The following SMARCA4 variants were observed in gnomAD, a reference collection of about 807,000 sequenced individuals.
SMARCA4 encodes the protein SWI/SNF-related matrix-associated actin-dependent regulator of chromatin subfamily A member 4.
A neutral mutation model predicts 193.9 loss-of-function variants in SMARCA4; 31 were observed. The ratio of observed to expected loss-of-function variants is 0.16; its 90% CI spans 0.12 to 0.22. The LOEUF (loss-of-function observed/expected upper bound fraction) is 0.22, where lower values mean the gene tolerates loss of function less well. SMARCA4 is among the 10% of genes least tolerant of loss of function. The pLI is 1.00. For synonymous variants in SMARCA4, 942 were observed against 933.1 expected, an observed-to-expected ratio of 1.01 and a Z score of -0.17; for missense variants, 1,148 against 2,296.0, an observed-to-expected ratio of 0.50 and a Z score of 10.22.
Position 11,058,266 on chromosome 19 carries a change from G to T in SMARCA4, c.4436G>T (p.Arg1479Leu). The T allele has an allele frequency of 6.2e-7, 1 of 1,612,272 alleles. No homozygotes were observed. The stretch of plus-strand genomic sequence containing the variant: ...GTTCTGCCTTGCAGCAGCAGTGGAC[G>T]TCAGCTCAGCGAGGTCTTCATCCAG... ...VIKYKDSSSG[R>L]QLSEVFIQLP... The change falls in exon 31 of 35, where the codon CGT (arginine) becomes CTT (leucine). Residue 1479 changes from arginine to leucine, a missense_variant. Arg to Leu is a moderately radical substitution (Grantham distance 102). This residue lies in a region of SMARCA4 where 141 missense variants were observed against 193.0 expected (regional missense o/e 0.73). Transcript: ENST00000344626. The surrounding 1 kb of genome is among the most constrained non-coding windows in gnomAD (Gnocchi z 5.8).
intron 21 of SMARCA4, 107 bp from the exon 22 acceptor site, chr19:11,025,315 C>T (rs1158784916): frequency 1.3e-6 from 1 of 763,052 alleles, no homozygotes; most frequent in Non-Finnish European, 2.3e-6. Context: ...CACTCTTCCC[C>T]ACTAGAGCGT....
intron 9 of SMARCA4, 87 bp downstream of exon 9, chr19:10,995,088 A>G: frequency 3.1e-6 from 4 of 1,292,474 alleles, no homozygotes; most frequent in Non-Finnish European, 4.4e-6. Context: ...GGTTACGCCA[A>G]GGCATTTCAC....
chr19:11,057,795 A>G (rs984842810), intron 30 of SMARCA4, among the ~76,000 whole-genome samples: 1 of 152,128 alleles, frequency 6.6e-6, no homozygotes, highest in Non-Finnish European at 1.5e-5. Flanking sequence ...GAAATGTTCC[A>G]GAAGCTACAA....
At chr19:10,992,843 G>A (rs2086675768) in intron 8 of SMARCA4, among the ~76,000 whole-genome samples, 1 of 152,008 alleles carries the variant, frequency 6.6e-6, no homozygotes, top group Non-Finnish European at 1.5e-5. Flanking sequence ...CGCCTGCCTC[G>A]GCTTCCCAAA....
At chr19:11,017,160 A>T (rs747364303) in intron 16 of SMARCA4, among the ~76,000 whole-genome samples, 5 of 152,124 alleles carry the variant, frequency 3.3e-5, no homozygotes, top group African/African-American at 9.7e-5. Flanking sequence ...CTGAGTGAGG[A>T]CCACAGGTTC....
intron 30 of SMARCA4, among the ~76,000 whole-genome samples, chr19:11,048,079 G>A (rs1341611693): frequency 6.6e-6 from 1 of 152,132 alleles, no homozygotes; most frequent in Admixed American, 6.5e-5. Context: ...ATGTCACTCG[G>A]CCCTTCCTTG....
At chr19:10,989,889 G>A (rs1273028766) in intron 7 of SMARCA4, among the ~76,000 whole-genome samples, 1 of 151,876 alleles carries the variant, frequency 6.6e-6, no homozygotes, top group South Asian at 2.1e-4. Flanking sequence ...GTAGAGACAG[G>A]GTTTCACCAT....
Position 10,979,718 on chromosome 19 carries a change from A to G in SMARCA4, c.-31-4403A>G, listed in dbSNP as rs575191873. Among the ~76,000 whole-genome samples, 73 of 150,388 alleles carry G rather than the reference A, an allele frequency of 4.9e-4. 1 individual carries two copies. In the East Asian group the frequency reaches 0.014, roughly 28 times the overall value. ...TATATGTTATAAGTATATATTGTAT[A>G]TTATATAATATATGTATTATAGACG... On this transcript the variant is annotated intron_variant, in intron 1 of 34. Coordinates refer to ENST00000344626, the MANE Select transcript of SMARCA4 (RefSeq NM_003072.5).
intron 15 of SMARCA4, 96 bp downstream of exon 15, chr19:11,010,627 C>T: frequency 8.3e-7 from 1 of 1,211,626 alleles, no homozygotes; most frequent in African/African-American, 1.5e-5. Context: ...GACCTGAGTT[C>T]ACCTTTTGCT....
rs1189780551 is a variant in SMARCA4 at position 10,984,366 on chromosome 19, T to C, written c.215T>C (p.Met72Thr). 2 of 1,586,248 alleles carry C rather than the reference T, an allele frequency of 1.3e-6. No homozygotes were observed. The highest frequency in any genetic ancestry group is 1.1e-5 in the South Asian group (1 of 87,494). ...TACCCTCAGGACAACATGCACCAGA[T>C]GCACAAGGTAGGGATCCCTGTGCCC... ...GGYPQDNMHQ[M>T]HKPMESMHEK... is the part of the protein sequence containing the mutation. Residue 72 changes from methionine to threonine, a missense_variant, in exon 2 of 35, where the codon ATG becomes ACG. Coordinates refer to ENST00000344626, the MANE Select transcript of SMARCA4 (RefSeq NM_003072.5). This position sits in a 1 kb window ranked among gnomAD's most constrained non-coding sequence, Gnocchi z 4.3.
chr19:11,002,953 T>C (rs2146090633), intron 11 of SMARCA4, 76 bp from the exon 12 acceptor site: 3 of 1,565,030 alleles, frequency 1.9e-6, no homozygotes, highest in Non-Finnish European at 2.6e-6. Flanking sequence ...GAGTGGGTGC[T>C]TCCCACCTTG....
chr19:11,034,510 A>G lies in SMARCA4; in HGVS notation c.3951+310A>G. 6.6e-6 allele frequency among the ~76,000 whole-genome samples: 1 copy of G among 152,126 alleles called. No individual in the cohort carries two copies. The highest frequency in any genetic ancestry group is 1.9e-4 in the East Asian group (1 of 5,164). ...CTTTCAGAGGGAGTTCGCCCTATCC[A>G]AGGCCAAGGGACTGACCAGGCCTTC... On this transcript the variant is annotated intron_variant, in intron 28 of 34. Coordinates refer to ENST00000344626, the MANE Select transcript of SMARCA4 (RefSeq NM_003072.5). The surrounding 1 kb of genome is among the most constrained non-coding windows in gnomAD (Gnocchi z 7.0).
chr19:10,984,364 G>T lies in SMARCA4; in HGVS notation c.213G>T (p.Gln71His). ...GGTACCCTCAGGACAACATGCACCAGATGCACAAGGTAGGGATCCCTGTGC... is the reference window on the plus strand; with the variant it reads ...GGTACCCTCAGGACAACATGCACCATATGCACAAGGTAGGGATCCCTGTGC... ...PGGYPQDNMH[Q>H]MHKPMESMHE... Residue 71 changes from glutamine (Q) to histidine (H), a missense_variant, in exon 2 of 35, where the codon CAG becomes CAT. This residue lies in a region of SMARCA4 where 201 missense variants were observed against 248.3 expected (regional missense o/e 0.81). Coordinates refer to ENST00000344626, the MANE Select transcript of SMARCA4 (RefSeq NM_003072.5). This position sits in a 1 kb window ranked among gnomAD's most constrained non-coding sequence, Gnocchi z 4.3. 6.3e-7 allele frequency: 1 copy of T among 1,586,936 alleles called. No homozygotes were observed. Among genetic ancestry groups the T allele is most frequent in the Non-Finnish European group, 8.6e-7 (1 of 1,166,444 alleles).
chr19:11,014,974 G>A (rs1046724795), intron 16 of SMARCA4, among the ~76,000 whole-genome samples: 1 of 151,946 alleles, frequency 6.6e-6, no homozygotes, highest in South Asian at 2.1e-4. Context: ...CACCATGTCC[G>A]GCTAACTTTT....
At chr19:11,018,904 G>T (rs867364701) in intron 16 of SMARCA4, 53 bp from the exon 17 acceptor site, 1 of 1,462,566 alleles carries the variant, frequency 6.8e-7, no homozygotes, top group Non-Finnish European at 9.6e-7. Flanking sequence ...GGTTTGCACA[G>T]TGAGCCATTG....
At position 11,039,553 on chromosome 19, in the gene SMARCA4, G is replaced by T. The variant is rs896036433; in HGVS notation, c.4171-1754G>T. On this transcript the variant is annotated intron_variant, in intron 29 of 34. Transcript: ENST00000344626. ...TTCAGTTCTGCACACGTGCGTCAAA[G>T]GTGGGGAGAGTTCTGGTGGTGGGTG... 6.3e-7 allele frequency: 1 copy of T among 1,589,200 alleles called. No individual in the cohort carries two copies. The highest frequency in any genetic ancestry group is 8.6e-7 in the Non-Finnish European group (1 of 1,168,220).
intron 1 of SMARCA4, among the ~76,000 whole-genome samples, chr19:10,983,154 G>C (rs948120413): frequency 6.6e-6 from 1 of 151,900 alleles, no homozygotes; most frequent in Non-Finnish European, 1.5e-5. Context: ...CAGCGAGGCG[G>C]AGAAGCCTCT....
intron 16 of SMARCA4, chr19:11,018,751 T>C: frequency 1.5e-6 from 1 of 675,088 alleles, no homozygotes; most frequent in South Asian, 1.6e-5. Context: ...GTGGCCTCCC[T>C]TCTGTCCTCT....
rs369866257 is a variant in SMARCA4 at position 11,003,157 on chromosome 19, G to A, written c.1941G>A (p.Pro647=). ...TGGAGGCCTGGCTCGAGATGAACCCGGGGTGAGTTGGGCCTTGCATTCCAG... is the reference window on the plus strand; with the variant it reads ...TGGAGGCCTGGCTCGAGATGAACCCAGGGTGAGTTGGGCCTTGCATTCCAG... The part of the protein sequence containing the change: ...GQLEAWLEMN[P]GYEVAPRSDS... The change falls in exon 12 of 35, where the codon CCG becomes CCA. Residue 647 remains proline (P), a splice_region_variant and synonymous_variant. Transcript: ENST00000344626. The A allele has an allele frequency of 1.2e-5, 20 of 1,613,972 alleles. No homozygotes were observed. The highest frequency in any genetic ancestry group is 1.1e-4 in the African/African-American group (8 of 74,926).
Sources: gnomAD v4.1 joint callset for allele counts (sites outside exome capture counted in the v4.1 genomes callset) on GRCh38, gnomAD v4.1.1 for gene constraint, gnomAD v4.1.1 regional missense constraint, Gnocchi (gnomAD v3.1) non-coding constraint, MANE v1.5 for transcripts, NCBI Gene and HGNC (gene_info 2026-07-23, HGNC 2026-07-21) for gene names.